ITGA3: variants seen among roughly 807,000 people sequenced by gnomAD.
ITGA3 encodes the protein integrin subunit alpha 3.
ITGA3 carries 70 observed loss-of-function variants against 131.1 expected under a neutral mutation model. That is an observed-to-expected ratio of 0.53 (90% CI 0.44 to 0.65). The LOEUF is 0.65. Among genes scored for constraint, ITGA3 ranks in the 30% least tolerant of loss-of-function variants. ITGA3 has a pLI of 0.00. For missense variants in ITGA3, 1,098 were observed against 1,388.6 expected (o/e 0.79, Z 3.33); for synonymous variants, 537 against 571.6 (o/e 0.94, Z 0.86).
intron 12 of ITGA3, 90 bp from the exon 13 acceptor site, chr17:50,076,236 C>A: frequency 6.8e-7 from 1 of 1,463,848 alleles, no homozygotes; most frequent in Non-Finnish European, 9.3e-7. Context: ...GGGGCGGGTC[C>A]AGCTCTTCTC....
chr17:50,074,181 C>T lies in ITGA3; in HGVS notation c.1283C>T (p.Ala428Val). The T allele has an allele frequency of 6.2e-7, 1 of 1,614,182 alleles. No individual in the cohort carries two copies. The highest frequency in any genetic ancestry group is 8.5e-7 in the Non-Finnish European group (1 of 1,180,004). ...HGEKLGLPGL[A>V]TFGYSLSGQM... ...GAGAAGCTGGGACTGCCTGGGTTGG[C>T]CACCTTCGGCTATTCCCTCAGTGGG... The change falls in exon 9 of 26, where the codon GCC (alanine) becomes GTC (valine). Residue 428 changes from alanine (A) to valine (V), a missense_variant. Around this residue, in one of 3 missense-constraint regions of ITGA3, gnomAD observed 699 missense variants for 829.2 expected, o/e 0.84. Transcript: ENST00000320031.
rs1211593299 is a variant in ITGA3 at position 50,071,179 on chromosome 17, T to C, written c.752-132T>C. Reference sequence around the variant, plus strand: ...GGCTGCTGGCCATCTGGAGTCTACTTTCTTGCCCTACTTGGAATAGTGGGA... The same window carrying C: ...GGCTGCTGGCCATCTGGAGTCTACTCTCTTGCCCTACTTGGAATAGTGGGA... On this transcript the variant is annotated intron_variant, in intron 5 of 25. Coordinates refer to ENST00000320031, the MANE Select transcript of ITGA3 (RefSeq NM_002204.4). 8 of 856,808 alleles carry C rather than the reference T, an allele frequency of 9.3e-6. No homozygotes were observed. The Admixed American group carries it at 1.8e-4, about 20-fold the overall frequency. 53.1% of individuals were successfully genotyped at this position (856,808 alleles called of 1,614,324 possible).
At chr17:50,083,585 G>A (rs573870952) in intron 23 of ITGA3, among the ~76,000 whole-genome samples, 1 of 151,916 alleles carries the variant, frequency 6.6e-6, no homozygotes, top group South Asian at 2.1e-4. Flanking sequence ...TTAGCTGGGT[G>A]TGGTGGTGCA....
chr17:50,077,345 C>T (rs1598192089), intron 15 of ITGA3, 34 bp from the exon 16 acceptor site: 1 of 1,595,310 alleles, frequency 6.3e-7, no homozygotes, highest in African/African-American at 1.3e-5. Context: ...CCTACTTTGA[C>T]CCGACCCTGA....
At chr17:50,066,029 T>A (rs556173642) in intron 3 of ITGA3, 3 of 105,282 alleles carry the variant, frequency 2.8e-5, no homozygotes, top group South Asian at 8.7e-4. Context: ...CGAGACTCCA[T>A]CTCAAAAAAA....
At chr17:50,062,051 A>C (rs1253364433) in intron 1 of ITGA3, among the ~76,000 whole-genome samples, 1 of 151,698 alleles carries the variant, frequency 6.6e-6, no homozygotes, top group East Asian at 1.9e-4. Context: ...AAAAAAAAAA[A>C]AAAAAGAAAG....
intron 3 of ITGA3, among the ~76,000 whole-genome samples, chr17:50,067,625 A>AGT (rs1262818741): frequency 3.9e-5 from 6 of 152,206 alleles, no homozygotes; most frequent in Non-Finnish European, 8.8e-5. Context: ...GCACTCATGA[A>AGT]GTGTTAGCTG....
In ITGA3 at chr17:50,073,950, C is replaced by A; in HGVS notation, c.1191C>A (p.Gly397=). Residue 397 remains glycine, a synonymous_variant, in exon 8 of 26, where the codon GGC becomes GGA. Coordinates refer to ENST00000320031, the MANE Select transcript of ITGA3 (RefSeq NM_002204.4). ...IAVGAPFEGL[G]KVYIYHSSSK... ...TGGGAGCTCCGTTTGAAGGCTTGGG[C>A]AAAGTGTACATCTATCACAGTAGCT... 3 of 1,614,114 alleles carry A rather than the reference C, an allele frequency of 1.9e-6. No individual in the cohort carries two copies. Among genetic ancestry groups the A allele is most frequent in the Middle Eastern group, 1.6e-4 (1 of 6,062 alleles).
At position 50,079,495 on chromosome 17, in the gene ITGA3, G is replaced by A. The variant is rs1253144197; in HGVS notation, c.2644G>A (p.Gly882Ser). 1.8e-5 allele frequency: 28 copies of A among 1,578,848 alleles called. No individual in the cohort carries two copies. The highest frequency in any genetic ancestry group is 2.3e-5 in the Non-Finnish European group (27 of 1,163,198). Residue 882 changes from glycine to serine, a missense_variant, in exon 21 of 26, where the codon GGC (glycine) becomes AGC (serine). Physicochemically the swap from Gly to Ser is moderately conservative, Grantham distance 56. Coordinates refer to ENST00000320031, the MANE Select transcript of ITGA3 (RefSeq NM_002204.4). ...GCGGCGACAGCTGGATCCAGGGGGA[G>A]GCCAGGGCCCCCCACCTGTCACTCT... ...RRRRQLDPGG[G>S]QGPPPVTLAA...
At chr17:50,074,596 C>T (rs1163783287) in intron 10 of ITGA3, 62 bp downstream of exon 10, 2 of 1,167,660 alleles carry the variant, frequency 1.7e-6, no homozygotes, top group East Asian at 4.7e-5. Context: ...GGGGCTGCAG[C>T]TCCCAAACCC....
In ITGA3 at chr17:50,089,414, G is replaced by A; in HGVS notation, c.*336G>A. The A allele has an allele frequency of 1.5e-6, 1 of 650,900 alleles. No homozygotes were observed. Among genetic ancestry groups the A allele is most frequent in the Non-Finnish European group, 2.7e-6 (1 of 375,114 alleles). 40.3% of individuals were successfully genotyped at this position (650,900 alleles called of 1,614,324 possible). On this transcript the variant is annotated 3_prime_UTR_variant, in exon 26 of 26. Coordinates refer to ENST00000320031, the MANE Select transcript of ITGA3 (RefSeq NM_002204.4). ...TACACCTCGTCAAGAGCATGCACAT[G>A]CTGTCTGGCCCTGGGGATCTTCCCA...
chr17:50,083,959 A>G (rs1257269763), intron 23 of ITGA3, among the ~76,000 whole-genome samples: 2 of 151,594 alleles, frequency 1.3e-5, no homozygotes, highest in Non-Finnish European at 2.9e-5. Context: ...AATGCTGGCC[A>G]GGCGCTGTGG....
chr17:50,076,704 G>A, intron 14 of ITGA3, 23 bp downstream of exon 14: 3 of 1,433,256 alleles, frequency 2.1e-6, no homozygotes, highest in Non-Finnish European at 2.9e-6. Context: ...CGCCGGCCGC[G>A]TTAATCGGCC....
chr17:50,068,058 C>T lies in ITGA3; in HGVS notation c.417C>T (p.Val139=), dbSNP rs1200989407. Residue 139 remains valine (V), a splice_region_variant and synonymous_variant, in exon 4 of 26, where the codon GTC becomes GTT. Transcript: ENST00000320031. The part of the protein sequence containing the change: ...ASQGPAGRVL[V]CAHRYTQVLW... ...GCCTGTGTTTGGGGGGTCCCCAGGT[C>T]TGTGCCCACCGCTACACCCAGGTGC... The T allele has an allele frequency of 6.2e-7, 1 of 1,613,934 alleles. No homozygotes were observed. Among genetic ancestry groups the T allele is most frequent in the African/African-American group, 1.3e-5 (1 of 75,062 alleles).
Position 50,078,231 on chromosome 17 carries a change from G to A in ITGA3, c.2244G>A (p.Trp748Ter). Residue 748 changes from tryptophan (W) to a stop codon, truncating the protein, a stop_gained, in exon 18 of 26, where the codon TGG becomes TGA. Coordinates refer to ENST00000320031, the MANE Select transcript of ITGA3 (RefSeq NM_002204.4). LOFTEE classifies it high-confidence loss of function. The stretch of plus-strand genomic sequence containing the variant: ...GGTCGAGTCACCAGGACAACCTGTG[G>A]CCCATGATCCTCACTCTGCTGGTGG... ...LSTSSHQDNLWPMILTLLVDY... is the reference protein window; with the variant it reads ...LSTSSHQDNL 6.2e-7 allele frequency: 1 copy of A among 1,613,980 alleles called. No individual in the cohort carries two copies. The highest frequency in any genetic ancestry group is 8.5e-7 in the Non-Finnish European group (1 of 1,179,980).
At position 50,079,132 on chromosome 17, in the gene ITGA3, G is replaced by A. The variant is rs1909062113; in HGVS notation, c.2457G>A (p.Glu819=). The A allele has an allele frequency of 1.9e-6, 3 of 1,613,978 alleles. No individual in the cohort carries two copies. The African/African-American group carries it at 4.0e-5, about 22-fold the overall frequency. ...VGLGTLVLGL[E]WPYEVSNGKW... ...TGGGGACCCTGGTCCTAGGTCTGGA[G>A]TGGCCCTACGAAGTCAGCAATGGCA... Residue 819 remains glutamate, a synonymous_variant, in exon 20 of 26, where the codon GAG becomes GAA. Coordinates refer to ENST00000320031, the MANE Select transcript of ITGA3 (RefSeq NM_002204.4).
intron 22 of ITGA3, 93 bp downstream of exon 22, chr17:50,080,468 GTGTGTGTGTGT>G: frequency 7.0e-6 from 1 of 143,218 alleles, no homozygotes; most frequent in African/African-American, 3.5e-5. Context: ...GCATGGGTGT[GTGTGTGTGTGT>G]GTGTGTGTGT....
chr17:50,073,857 T>C, intron 7 of ITGA3, 59 bp from the exon 8 acceptor site: 1 of 1,249,272 alleles, frequency 8.0e-7, no homozygotes, highest in South Asian at 1.2e-5. Context: ...GAGCAAAGAG[T>C]TAGGGAGACG....
rs764127212 is a variant in ITGA3, at chr17:50,076,697, C to T, written c.1922+16C>T. ...AGCTGAGCAGGTGGCTGTGGGCCGC[C>T]GGCCGCGTTAATCGGCCAAGGGTGG... On this transcript the variant is annotated intron_variant, in intron 14 of 25. Coordinates refer to ENST00000320031, the MANE Select transcript of ITGA3 (RefSeq NM_002204.4). 76 of 1,593,052 alleles carry T rather than the reference C, an allele frequency of 4.8e-5. No homozygotes were observed. Among genetic ancestry groups the T allele is most frequent in the Non-Finnish European group, 5.6e-5 (65 of 1,163,092 alleles).
Sources: gnomAD v4.1 joint callset for allele counts (sites outside exome capture counted in the v4.1 genomes callset) on GRCh38, gnomAD v4.1.1 for gene constraint, gnomAD v4.1.1 regional missense constraint, MANE v1.5 for transcripts, NCBI Gene and HGNC (gene_info 2026-07-23, HGNC 2026-07-21) for gene names.